The following HNRNPC variants were observed in gnomAD, a reference collection of about 807,000 sequenced individuals.
HNRNPC encodes heterogeneous nuclear ribonucleoproteins C1/C2.
A neutral mutation model predicts 33.2 loss-of-function variants in HNRNPC; 3 were observed. That is an observed-to-expected ratio of 0.09 (90% CI 0.04 to 0.23). HNRNPC has a LOEUF of 0.23. Ranked by LOEUF, HNRNPC falls within the 10% of genes least tolerant of loss-of-function variation. HNRNPC has a pLI of 1.00. For synonymous variants in HNRNPC, 121 were observed against 126.7 expected, an observed-to-expected ratio of 0.96 and a Z score of 0.30; for missense variants, 143 against 366.7, an observed-to-expected ratio of 0.39 and a Z score of 4.98.
chr14:21,209,374 C>A lies in HNRNPC; in HGVS notation c.*1849G>T, dbSNP rs904082471. 1 of 152,192 alleles carries A rather than the reference C, an allele frequency of 6.6e-6. No individual in the cohort carries two copies. The highest frequency in any genetic ancestry group is 1.5e-5 in the Non-Finnish European group (1 of 68,022). The allele number at this position is 152,192 out of a possible 1,614,324, so 9.4% of individuals were successfully genotyped here. A position where few individuals can be genotyped will look rare whatever the true frequency, so the allele number is the denominator to read the frequency against. On this transcript the variant is annotated 3_prime_UTR_variant, in exon 9 of 9. Transcript: ENST00000553300. ...TTGTTCAGTATTTCCCAAAAACTTA[C>A]AGCTAACAATAATATTAAACAGGTT...
At chr14:21,222,040 CAAAAAAAAAAAA>C (rs71112558) in intron 5 of HNRNPC, among the ~76,000 whole-genome samples, 4 of 65,692 alleles carry the variant, frequency 6.1e-5, no homozygotes, top group East Asian at 5.9e-4. Flanking sequence ...GACTCCGTCT[CAAAAAAAAAAAA>C]AAAAAAAAAA....
chr14:21,220,708 G>A (rs1892732535), intron 5 of HNRNPC, among the ~76,000 whole-genome samples: 1 of 152,080 alleles, frequency 6.6e-6, no homozygotes, highest in Non-Finnish European at 1.5e-5. Context: ...TGAAAAGCCA[G>A]GATTGGTGTT....
At chr14:21,221,986 T>G (rs1218969246) in intron 5 of HNRNPC, among the ~76,000 whole-genome samples, 1 of 123,030 alleles carries the variant, frequency 8.1e-6, no homozygotes, top group Non-Finnish European at 1.6e-5. Context: ...GAGACGGGGC[T>G]CTTGAGATCA....
At chr14:21,230,667 CCT>C (rs1320705887) in intron 4 of HNRNPC, 13 of 494,308 alleles carry the variant, frequency 2.6e-5, no homozygotes, top group African/African-American at 9.7e-5. Context: ...ACACTTCTAC[CCT>C]CTCTTACTCT....
At chr14:21,252,495 C>CAG (rs1896784351) in intron 2 of HNRNPC, among the ~76,000 whole-genome samples, 1 of 152,170 alleles carries the variant, frequency 6.6e-6, no homozygotes, top group South Asian at 2.1e-4. Context: ...GTATTCTTAG[C>CAG]AGAGACAGGG....
intron 5 of HNRNPC, among the ~76,000 whole-genome samples, chr14:21,216,434 AG>A (rs747697748): frequency 1.3e-5 from 2 of 152,176 alleles, no homozygotes; most frequent in South Asian, 2.1e-4. Context: ...TTTGCCGGAC[AG>A]GGTGGCTCAC....
chr14:21,257,469 T>C (rs189265995), intron 2 of HNRNPC, among the ~76,000 whole-genome samples: 120 of 152,126 alleles, frequency 7.9e-4, no homozygotes, highest in African/African-American at 2.7e-3. Flanking sequence ...AAAGGACCCC[T>C]GGGCTTAGTT....
At chr14:21,241,415 T>C (rs926640362) in intron 2 of HNRNPC, among the ~76,000 whole-genome samples, 2 of 152,210 alleles carry the variant, frequency 1.3e-5, no homozygotes, top group African/African-American at 2.4e-5. Context: ...TGACACTAGA[T>C]GGCAGCAATG....
chr14:21,262,315 T>C (rs1352905109), intron 2 of HNRNPC, among the ~76,000 whole-genome samples: 1 of 152,264 alleles, frequency 6.6e-6, no homozygotes, highest in Non-Finnish European at 1.5e-5. Flanking sequence ...CTCCCCAATA[T>C]GTTTTCTTGT....
chr14:21,251,847 C>T (rs368247330), intron 2 of HNRNPC, among the ~76,000 whole-genome samples: 2 of 152,064 alleles, frequency 1.3e-5, no homozygotes, highest in African/African-American at 2.4e-5. Flanking sequence ...AATCTCACAT[C>T]AGTTAAGATC....
intron 5 of HNRNPC, among the ~76,000 whole-genome samples, chr14:21,218,802 C>T (rs1892514520): frequency 6.8e-6 from 1 of 147,792 alleles, no homozygotes; most frequent in African/African-American, 2.5e-5. Flanking sequence ...GAGTTCAAGA[C>T]CAGCCTGTGA....
At chr14:21,266,521 A>G (rs1215014055) in intron 1 of HNRNPC, among the ~76,000 whole-genome samples, 1 of 152,002 alleles carries the variant, frequency 6.6e-6, no homozygotes, top group South Asian at 2.1e-4. Flanking sequence ...ATAACCTATG[A>G]TAGTAAATGT....
At chr14:21,227,833 C>T (rs1893651106) in intron 5 of HNRNPC, among the ~76,000 whole-genome samples, 1 of 152,152 alleles carries the variant, frequency 6.6e-6, no homozygotes, top group Admixed American at 6.5e-5. Context: ...TCATAAAAAA[C>T]ATCAACTAAG....
At chr14:21,228,681 C>T (rs867113815) in intron 5 of HNRNPC, among the ~76,000 whole-genome samples, 12 of 151,846 alleles carry the variant, frequency 7.9e-5, no homozygotes, top group South Asian at 2.1e-4. Flanking sequence ...TGTGAGCCAC[C>T]GTGCCCAGCT....
In HNRNPC at chr14:21,213,747, T is replaced by G. The variant is rs144755207; in HGVS notation, c.366-630A>C. ...AATACTACTGATAAAAAATACCTCA[T>G]ATAAAAACAGGTAGTATCATTTCTA... On this transcript the variant is annotated intron_variant, in intron 5 of 8. Coordinates refer to ENST00000553300, the MANE Select transcript of HNRNPC (RefSeq NM_004500.4). 7.1e-3 allele frequency among the ~76,000 whole-genome samples: 1,079 copies of G among 152,264 alleles called. 10 individuals are homozygous for G. Among genetic ancestry groups the G allele is most frequent in the African/African-American group, 0.025 (1,022 of 41,540 alleles).
chr14:21,218,835 G>A (rs975487052), intron 5 of HNRNPC, among the ~76,000 whole-genome samples: 8 of 151,662 alleles, frequency 5.3e-5, no homozygotes, highest in Non-Finnish European at 8.8e-5. Flanking sequence ...AAAATTGCTG[G>A]GAGCAGTGGC....
chr14:21,257,855 C>T (rs1264787503), intron 2 of HNRNPC, among the ~76,000 whole-genome samples: 1 of 152,132 alleles, frequency 6.6e-6, no homozygotes, highest in Non-Finnish European at 1.5e-5. Flanking sequence ...ACTGCTGCAA[C>T]TGGCCTAAAG....
chr14:21,209,414 T>C lies in HNRNPC; in HGVS notation c.*1809A>G, dbSNP rs1479361235. The stretch of plus-strand genomic sequence containing the variant: ...TTAAACAGGTTTTATTAGCATCTTA[T>C]ACATCTGACACTCTCTCCTAAGCAT... On this transcript the variant is annotated 3_prime_UTR_variant, in exon 9 of 9. Transcript: ENST00000553300. 6.6e-6 allele frequency: 1 copy of C among 152,204 alleles called. No homozygotes were observed. The highest frequency in any genetic ancestry group is 1.5e-5 in the Non-Finnish European group (1 of 68,024). 9.4% of individuals were successfully genotyped at this position (152,204 alleles called of 1,614,324 possible). A position where few individuals can be genotyped will look rare whatever the true frequency, so the allele number is the denominator to read the frequency against.
chr14:21,219,958 G>C (rs1892640144), intron 5 of HNRNPC, among the ~76,000 whole-genome samples: 1 of 152,096 alleles, frequency 6.6e-6, no homozygotes, highest in African/African-American at 2.4e-5. Flanking sequence ...CACAACATAA[G>C]CAAATTTCTC....
Sources: allele counts gnomAD v4.1 joint callset (sites outside exome capture counted in the v4.1 genomes callset), GRCh38; gene constraint gnomAD v4.1.1; transcripts MANE v1.5; gene names NCBI Gene and HGNC (gene_info 2026-07-23, HGNC 2026-07-21).